The following POMZP3 variants were observed in gnomAD, a reference collection of about 807,000 sequenced individuals.
The protein encoded by POMZP3 is POM121 and ZP3 fusion protein.
Under a neutral mutation model 19.8 loss-of-function variants are expected in POMZP3, and 10 were observed. That is an observed-to-expected ratio of 0.51 (90% CI 0.31 to 0.86). The LOEUF is 0.86. POMZP3 is among the 40% of genes least tolerant of loss of function. POMZP3 has a pLI of 0.04. For missense variants in POMZP3, 152 were observed against 228.1 expected, an observed-to-expected ratio of 0.67 and a Z score of 2.15; for synonymous variants, 57 against 85.8, an observed-to-expected ratio of 0.66 and a Z score of 1.85.
At position 76,610,355 on chromosome 7, in the gene POMZP3, A is replaced by T; in HGVS notation, c.*12-140T>A. 4 of 1,278,720 alleles carry T rather than the reference A, an allele frequency of 3.1e-6. No individual in the cohort carries two copies. In the South Asian group the frequency reaches 3.8e-5, roughly 12 times the overall value. 79.2% of individuals were successfully genotyped at this position (1,278,720 alleles called of 1,614,324 possible). On this transcript the variant is annotated intron_variant, in intron 6 of 6. Coordinates refer to ENST00000310842, the MANE Select transcript of POMZP3 (RefSeq NM_012230.5). ...CTAATAAACAGTTTCTAGACAAAAA[A>T]ACACAGCTTTCTCGGCCAGGTGTGA...
intron 1 of POMZP3, 110 bp from the exon 2 acceptor site, chr7:76,626,325 T>C: frequency 2.7e-6 from 3 of 1,125,342 alleles, no homozygotes; most frequent in Non-Finnish European, 3.8e-6. Flanking sequence ...TTAAGTCTCT[T>C]TCTACGCAAC....
chr7:76,612,393 A>AC lies in POMZP3; in HGVS notation c.346-581dup, dbSNP rs1012768610. On this transcript the variant is annotated intron_variant, in intron 4 of 6. Coordinates refer to ENST00000310842, the MANE Select transcript of POMZP3 (RefSeq NM_012230.5). ...CAGGGCCTGTCACCCAGGCTGGAGT[A>AC]CAGTGGTATGATGATGCCTCACTAT... Among the ~76,000 whole-genome samples, 12 of 89,184 alleles carry AC rather than the reference A, an allele frequency of 1.3e-4. 4 individuals are homozygous for AC. Among genetic ancestry groups the AC allele is most frequent in the African/African-American group, 5.7e-4 (12 of 21,016 alleles). 58.5% of individuals were successfully genotyped at this position (89,184 alleles called of 152,430 possible).
intron 3 of POMZP3, among the ~76,000 whole-genome samples, chr7:76,620,268 T>C (rs1351352399): frequency 1.4e-4 from 11 of 79,938 alleles, no homozygotes; most frequent in East Asian, 6.1e-4. Flanking sequence ...GCAGAGCTTG[T>C]AGTGAGCCGA....
intron 4 of POMZP3, among the ~76,000 whole-genome samples, chr7:76,615,085 C>T (rs1412802445): frequency 8.2e-6 from 1 of 121,424 alleles, no homozygotes; most frequent in East Asian, 2.3e-4. Flanking sequence ...ATCATCAATC[C>T]TACCTTTGAA....
intron 4 of POMZP3, among the ~76,000 whole-genome samples, chr7:76,613,448 T>A (rs1456220909): frequency 7.7e-6 from 1 of 130,000 alleles, no homozygotes. Flanking sequence ...TGCTGGGAGC[T>A]GAAGGACCCC....
rs1295914701 is a variant in POMZP3 at position 76,613,671 on chromosome 7, TA to T, written c.346-1859del. Among the ~76,000 whole-genome samples, 17 of 86,448 alleles carry T rather than the reference TA, an allele frequency of 2.0e-4. 5 individuals carry two copies. The highest frequency in any genetic ancestry group is 8.4e-4 in the Admixed American group (8 of 9,536). The allele number at this position is 86,448 out of a possible 152,430, so 56.7% of individuals were successfully genotyped here. A position where few individuals can be genotyped will look rare whatever the true frequency, so the allele number is the denominator to read the frequency against. On this transcript the variant is annotated intron_variant, in intron 4 of 6. Coordinates refer to ENST00000310842, the MANE Select transcript of POMZP3 (RefSeq NM_012230.5). ...ACCAGGCTAGTTTTTGTATTTGTAG[TA>T]GAGATGGGGTTTCCCCATGTTGGCC...
Position 76,618,513 on chromosome 7 carries a change from C to T in POMZP3, c.228-213G>A, listed in dbSNP as rs1023877353. ...AGTGCACACCTGTAATCCACCTACTCGGGAGGCTGAGGCAGGAGAATCGCT... is the reference window on the plus strand; with the variant it reads ...AGTGCACACCTGTAATCCACCTACTTGGGAGGCTGAGGCAGGAGAATCGCT... On this transcript the variant is annotated intron_variant, in intron 3 of 6. Coordinates refer to ENST00000310842, the MANE Select transcript of POMZP3 (RefSeq NM_012230.5). 24 of 657,214 alleles carry T rather than the reference C, an allele frequency of 3.7e-5. 1 individual carries two copies. The highest frequency in any genetic ancestry group is 2.2e-4 in the African/African-American group (12 of 54,560). The allele number at this position is 657,214 out of a possible 1,614,324, so 40.7% of individuals were successfully genotyped here. A position where few individuals can be genotyped will look rare whatever the true frequency, so the allele number is the denominator to read the frequency against.
intron 6 of POMZP3, among the ~76,000 whole-genome samples, chr7:76,610,609 G>A (rs1287824905): frequency 1.3e-5 from 2 of 151,912 alleles, no homozygotes; most frequent in African/African-American, 4.8e-5. Context: ...CAGAGATCGT[G>A]CCATTGCTCT....
At chr7:76,625,126 C>T (rs1283767095) in intron 3 of POMZP3, among the ~76,000 whole-genome samples, 10 of 87,700 alleles carry the variant, frequency 1.1e-4, no homozygotes, top group Non-Finnish European at 2.2e-4. Flanking sequence ...GAGACAGACT[C>T]CAACTCAAAA....
At chr7:76,625,124 C>G (rs2527934) in intron 3 of POMZP3, among the ~76,000 whole-genome samples, 40,274 of 108,038 alleles carry the variant, frequency 0.37, 7,472 homozygotes, top group Middle Eastern at 0.59. Flanking sequence ...CAGAGACAGA[C>G]TCCAACTCAA....
chr7:76,611,895 A>C (rs1427352257), intron 4 of POMZP3, 82 bp from the exon 5 acceptor site: 5 of 1,534,066 alleles, frequency 3.3e-6, no homozygotes, highest in Non-Finnish European at 4.4e-6. Context: ...TATAACCCTC[A>C]ACCCTTTAAA....
chr7:76,622,273 C>T (rs1815606708), intron 3 of POMZP3, among the ~76,000 whole-genome samples: 2 of 151,876 alleles, frequency 1.3e-5, no homozygotes, highest in Non-Finnish European at 1.5e-5. Context: ...AACTTGCGTT[C>T]ACTTTATGGA....
intron 3 of POMZP3, among the ~76,000 whole-genome samples, chr7:76,619,574 G>A (rs1200301924): frequency 1.4e-5 from 2 of 146,342 alleles, no homozygotes; most frequent in African/African-American, 2.5e-5. Flanking sequence ...GAAATTTTCC[G>A]CCTAGAGATG....
In POMZP3 at chr7:76,618,291, G is replaced by A. The variant is rs150602839; in HGVS notation, c.237C>T (p.Val79=). Residue 79 remains valine, a synonymous_variant, in exon 4 of 7, where the codon GTC becomes GTT. Coordinates refer to ENST00000310842, the MANE Select transcript of POMZP3 (RefSeq NM_012230.5). ...DGQENKRSCL[V]DGLTDASSAF... ...CAGAAGAGGCATCAGTGAGACCGTCGACAAGACAGCTTGGAAGAAAACAGA... is the reference window on the plus strand; with the variant it reads ...CAGAAGAGGCATCAGTGAGACCGTCAACAAGACAGCTTGGAAGAAAACAGA... The A allele has an allele frequency of 5.6e-4, 906 of 1,613,766 alleles. 5 individuals carry two copies. The African/African-American group carries it at 8.3e-3, about 15-fold the overall frequency.
Position 76,625,933 on chromosome 7 carries a change from A to G in POMZP3, c.65+67T>C. 6.2e-6 allele frequency: 10 copies of G among 1,600,550 alleles called. No homozygotes were observed. The South Asian group carries it at 1.1e-4, about 18-fold the overall frequency. Reference sequence around the variant, plus strand: ...TTTTGCGTTGTAGTCATGTTGTCATAGGAACAACTGGAGAAGAATAAAGTG... The same window carrying G: ...TTTTGCGTTGTAGTCATGTTGTCATGGGAACAACTGGAGAAGAATAAAGTG... On this transcript the variant is annotated intron_variant, in intron 2 of 6. Transcript: ENST00000310842.
At chr7:76,614,547 T>G (rs2116852277) in intron 4 of POMZP3, among the ~76,000 whole-genome samples, 4 of 56,624 alleles carry the variant, frequency 7.1e-5, no homozygotes, top group Admixed American at 1.9e-4. Context: ...GCAACAAGAG[T>G]GACACTCCAT....
chr7:76,620,861 A>T (rs1397511531), intron 3 of POMZP3, among the ~76,000 whole-genome samples: 6,396 of 76,092 alleles, frequency 0.084, 328 homozygotes, highest in Non-Finnish European at 0.11. Context: ...CTGTAAAGCC[A>T]TTTTTTTTTT....
rs1815315412 is a variant in POMZP3 at position 76,617,119 on chromosome 7, C to A, written c.345+1064G>T. Among the ~76,000 whole-genome samples the A allele has an allele frequency of 3.1e-5, 3 of 96,030 alleles. 1 individual carries two copies. In the South Asian group the frequency reaches 1.1e-3, roughly 34 times the overall value. 63.0% of individuals were successfully genotyped at this position (96,030 alleles called of 152,430 possible). ...GAGTAGCTGGGACTACAGGTGCCCA[C>A]CATCATGCCCAGCTAATTTTTTGTA... On this transcript the variant is annotated intron_variant, in intron 4 of 6. Transcript: ENST00000310842.
chr7:76,623,172 C>G (rs1019075961), intron 3 of POMZP3, among the ~76,000 whole-genome samples: 1 of 145,736 alleles, frequency 6.9e-6, no homozygotes, highest in Non-Finnish European at 1.5e-5. Context: ...GCACCCAGCC[C>G]AAATTGATTG....
Sources: allele counts gnomAD v4.1 joint callset (sites outside exome capture counted in the v4.1 genomes callset), GRCh38; gene constraint gnomAD v4.1.1; transcripts MANE v1.5; gene names NCBI Gene and HGNC (gene_info 2026-07-23, HGNC 2026-07-21).